Variants in FHIT observed in about 807,000 individuals in gnomAD.
FHIT encodes the protein fragile histidine triad diadenosine triphosphatase.
FHIT carries 19 observed loss-of-function variants against 17.9 expected under a neutral mutation model. The observed-to-expected ratio is 1.06, with a 90% CI of 0.74 to 1.56. The LOEUF is 1.56. FHIT is among the 40% of genes most tolerant of loss of function. The pLI, the probability that FHIT is intolerant of heterozygous loss-of-function variation, is 0.00. For missense variants in FHIT, 248 were observed against 189.2 expected, an observed-to-expected ratio of 1.31 and a Z score of -1.82; for synonymous variants, 81 against 69.7, an observed-to-expected ratio of 1.16 and a Z score of -0.81.
At chr3:59,930,539 G>T (rs541812271) in intron 7 of FHIT, among the ~76,000 whole-genome samples, 1 of 152,258 alleles carries the variant, frequency 6.6e-6, no homozygotes, top group Admixed American at 6.5e-5. Flanking sequence ...GCTCATGATG[G>T]AAGTAAGAAT....
chr3:61,060,818 C>G (rs1036726873), intron 2 of FHIT, among the ~76,000 whole-genome samples: 10 of 152,210 alleles, frequency 6.6e-5, no homozygotes, highest in African/African-American at 2.4e-4. Context: ...TTCTTACAGC[C>G]TGGCTGGCTT....
rs181971900 is a variant in FHIT, at chr3:60,895,232, T to C, written c.-110-73221A>G. Among the ~76,000 whole-genome samples the C allele has an allele frequency of 5.3e-5, 8 of 152,304 alleles. No individual in the cohort carries two copies. The East Asian group carries it at 1.5e-3, about 29-fold the overall frequency. ...TGTTATATGAGGATTAGATTCATAG[T>C]ACATGTTTTTGAAAGGCATACTACC... On this transcript the variant is annotated intron_variant, in intron 3 of 9. Coordinates refer to ENST00000492590, the MANE Select transcript of FHIT (RefSeq NM_002012.4).
intron 2 of FHIT, among the ~76,000 whole-genome samples, chr3:61,073,504 T>A (rs1341775855): frequency 6.6e-6 from 1 of 152,164 alleles, no homozygotes; most frequent in Non-Finnish European, 1.5e-5. Context: ...ATTTTAAATT[T>A]TAGTGAAAAA....
intron 4 of FHIT, among the ~76,000 whole-genome samples, chr3:60,685,444 G>T (rs1268530629): frequency 6.6e-6 from 1 of 152,046 alleles, no homozygotes; most frequent in Non-Finnish European, 1.5e-5. Flanking sequence ...AGCAAACCAT[G>T]TTATGTCTTC....
intron 8 of FHIT, among the ~76,000 whole-genome samples, chr3:59,858,264 G>A (rs1180289717): frequency 1.2e-4 from 11 of 91,138 alleles, no homozygotes; most frequent in African/African-American, 5.0e-4. Flanking sequence ...TTTTTTTTGA[G>A]ATGGAGTGCT....
intron 8 of FHIT, among the ~76,000 whole-genome samples, chr3:59,760,276 C>T (rs781079304): frequency 6.6e-6 from 1 of 152,056 alleles, no homozygotes; most frequent in African/African-American, 2.4e-5. Context: ...TTGTAACCCC[C>T]AAAAGTAAGT....
intron 5 of FHIT, among the ~76,000 whole-genome samples, chr3:60,240,400 A>G (rs1164648507): frequency 2.0e-5 from 3 of 152,220 alleles, no homozygotes; most frequent in Admixed American, 2.0e-4. Flanking sequence ...AATTTCCATC[A>G]TCAGAGCAGA....
chr3:60,651,344 G>A (rs2039985803), intron 4 of FHIT, among the ~76,000 whole-genome samples: 1 of 151,912 alleles, frequency 6.6e-6, no homozygotes, highest in Non-Finnish European at 1.5e-5. Flanking sequence ...TCCTTTTTCA[G>A]TAAAACATAT....
In FHIT at chr3:61,179,248, T is replaced by A. The variant is rs149813651; in HGVS notation, c.-164+21369A>T. ...TGGTCTTGATCCCCTAACCTCGTTA[T>A]CTGCCCACCTCGGCCTCCCGAAGTG... is the stretch of plus-strand genomic sequence containing the variant. On this transcript the variant is annotated intron_variant, in intron 2 of 9. Transcript: ENST00000492590. Among the ~76,000 whole-genome samples the A allele has an allele frequency of 4.9e-3, 749 of 152,158 alleles. 8 individuals are homozygous for A. Among genetic ancestry groups the A allele is most frequent in the African/African-American group, 0.017 (722 of 41,526 alleles).
At chr3:59,998,863 G>C (rs1052257906) in intron 7 of FHIT, among the ~76,000 whole-genome samples, 1 of 152,110 alleles carries the variant, frequency 6.6e-6, no homozygotes, top group Non-Finnish European at 1.5e-5. Context: ...AAATCCAATA[G>C]TTATTCGCAA....
At chr3:61,060,189 A>G (rs2034377043) in intron 2 of FHIT, among the ~76,000 whole-genome samples, 1 of 152,224 alleles carries the variant, frequency 6.6e-6, no homozygotes, top group African/African-American at 2.4e-5. Flanking sequence ...ATTTCAATGT[A>G]AAATATTCAA....
chr3:60,839,449 C>T (rs560905992), intron 3 of FHIT, among the ~76,000 whole-genome samples: 1 of 152,292 alleles, frequency 6.6e-6, no homozygotes, highest in South Asian at 2.1e-4. Flanking sequence ...GGCTAGATGG[C>T]AGCACATTCA....
At chr3:60,497,933 C>T (rs2034368260) in intron 5 of FHIT, among the ~76,000 whole-genome samples, 1 of 152,090 alleles carries the variant, frequency 6.6e-6, no homozygotes, top group African/African-American at 2.4e-5. Flanking sequence ...TTCCTTAGTG[C>T]AGAGGATGGC....
chr3:60,093,051 G>A (rs1703795925), intron 5 of FHIT, among the ~76,000 whole-genome samples: 1 of 152,130 alleles, frequency 6.6e-6, no homozygotes, highest in Non-Finnish European at 1.5e-5. Context: ...TCACTTACAA[G>A]GCAACGCATC....
At chr3:60,939,403 T>C (rs782787829) in intron 3 of FHIT, among the ~76,000 whole-genome samples, 3 of 152,150 alleles carry the variant, frequency 2.0e-5, no homozygotes, top group Non-Finnish European at 4.4e-5. Flanking sequence ...AAACCTGCAA[T>C]ATTTACCCTT....
chr3:59,751,994 A>C (rs1367182455), intron 9 of FHIT: 1 of 414,670 alleles, frequency 2.4e-6, no homozygotes, highest in Non-Finnish European at 4.3e-6. Flanking sequence ...GGCTGGGGGC[A>C]CTGGCTTGGA....
intron 5 of FHIT, among the ~76,000 whole-genome samples, chr3:60,109,789 G>C (rs17378007): frequency 0.031 from 4,647 of 152,206 alleles, 81 homozygotes; most frequent in Non-Finnish European, 0.041. Flanking sequence ...CCTTTCTGCA[G>C]GTGAAGTTCT....
At chr3:60,879,590 T>A (rs1054670364) in intron 3 of FHIT, among the ~76,000 whole-genome samples, 2 of 151,844 alleles carry the variant, frequency 1.3e-5, no homozygotes, top group African/African-American at 4.8e-5. Context: ...AATCAATGAA[T>A]TGCCAGAAAA....
At chr3:59,846,053 T>C (rs1297584718) in intron 8 of FHIT, among the ~76,000 whole-genome samples, 1 of 152,098 alleles carries the variant, frequency 6.6e-6, no homozygotes, top group Non-Finnish European at 1.5e-5. Flanking sequence ...AACCTCTGTC[T>C]ATTGACTAGG....
Sources: allele counts gnomAD v4.1 joint callset (sites outside exome capture counted in the v4.1 genomes callset), GRCh38; gene constraint gnomAD v4.1.1; transcripts MANE v1.5; gene names NCBI Gene and HGNC (gene_info 2026-07-23, HGNC 2026-07-21).